The following CACHD1 variants were observed in gnomAD, a reference collection of about 807,000 sequenced individuals.
CACHD1 encodes the protein cache domain containing 1.
In CACHD1, 71 loss-of-function variants were observed where a neutral mutation model predicts 138.7. The observed-to-expected ratio is 0.51, with a 90% CI of 0.42 to 0.62. The LOEUF is 0.62. CACHD1 is among the 20% of genes least tolerant of loss of function. The pLI is 0.00. For missense variants in CACHD1, 1,389 were observed against 1,625.3 expected, an observed-to-expected ratio of 0.85 and a Z score of 2.50; for synonymous variants, 578 against 591.5, an observed-to-expected ratio of 0.98 and a Z score of 0.33.
At chr1:64,595,058 G>A (rs1647138561) in intron 3 of CACHD1, among the ~76,000 whole-genome samples, 1 of 152,180 alleles carries the variant, frequency 6.6e-6, no homozygotes, top group Admixed American at 6.5e-5. Flanking sequence ...ACAGAACAGG[G>A]AGATGTATGG....
At chr1:64,635,616 T>C (rs1206429309) in intron 7 of CACHD1, among the ~76,000 whole-genome samples, 1 of 150,946 alleles carries the variant, frequency 6.6e-6, no homozygotes, top group Non-Finnish European at 1.5e-5. Flanking sequence ...ACTCCTGACC[T>C]TGTAATCCCC....
chr1:64,671,077 G>A (rs1355486635), intron 16 of CACHD1, among the ~76,000 whole-genome samples: 1 of 152,176 alleles, frequency 6.6e-6, no homozygotes, highest in Non-Finnish European at 1.5e-5. Flanking sequence ...GAAAAAAACT[G>A]GACTAGACAT....
At chr1:64,664,409 C>G in intron 14 of CACHD1, 89 bp from the exon 15 acceptor site, 1 of 1,307,580 alleles carries the variant, frequency 7.6e-7, no homozygotes, top group African/African-American at 1.5e-5. Context: ...GGCTTCTCTG[C>G]AACAGAGCTT....
intron 1 of CACHD1, among the ~76,000 whole-genome samples, chr1:64,527,663 CTT>C (rs1156375289): frequency 6.6e-6 from 1 of 152,140 alleles, no homozygotes; most frequent in Non-Finnish European, 1.5e-5. Flanking sequence ...AACCAATTTC[CTT>C]TCTCTCTGTT....
chr1:64,689,835 C>A (rs1024859394), intron 26 of CACHD1, among the ~76,000 whole-genome samples: 1 of 152,172 alleles, frequency 6.6e-6, no homozygotes, highest in African/African-American at 2.4e-5. Context: ...AATATACATT[C>A]TCTGAAGATT....
chr1:64,490,017 C>G (rs564176061), intron 1 of CACHD1, among the ~76,000 whole-genome samples: 2 of 152,318 alleles, frequency 1.3e-5, no homozygotes, highest in Admixed American at 1.3e-4. Flanking sequence ...ATGTCCATTC[C>G]TAATTGCCTT....
chr1:64,613,018 A>G (rs550931292), intron 4 of CACHD1, among the ~76,000 whole-genome samples: 34 of 152,324 alleles, frequency 2.2e-4, no homozygotes, highest in African/African-American at 8.2e-4. Context: ...AAATATCAAC[A>G]TTAATAGGAG....
Position 64,675,411 on chromosome 1 carries a change from C to A in CACHD1, c.2738C>A (p.Thr913Lys). The change falls in exon 20 of 27, where the codon ACG becomes AAG. Residue 913 changes from threonine to lysine, a missense_variant. Around this residue, in one of 5 missense-constraint regions of CACHD1, gnomAD observed 50 missense variants for 108.2 expected, o/e 0.46. Transcript: ENST00000651257. ...TTGATTGTTCTGTAGGGGGATTTGA[C>A]GAACCTTGTGCATGGCAGCCACTGT... ...KFNTSLAGDL[T>K]NLVHGSHCSK... 1 of 1,593,218 alleles carries A rather than the reference C, an allele frequency of 6.3e-7. No homozygotes were observed. Among genetic ancestry groups the A allele is most frequent in the Non-Finnish European group, 8.6e-7 (1 of 1,163,334 alleles).
At chr1:64,545,993 A>C (rs1296614410) in intron 1 of CACHD1, among the ~76,000 whole-genome samples, 1 of 152,240 alleles carries the variant, frequency 6.6e-6, no homozygotes, top group Non-Finnish European at 1.5e-5. Flanking sequence ...ACTATATAAT[A>C]AAATATATTT....
chr1:64,484,805 A>C (rs1646232181), intron 1 of CACHD1, among the ~76,000 whole-genome samples: 1 of 152,246 alleles, frequency 6.6e-6, no homozygotes. Flanking sequence ...ATGTGTCAGA[A>C]TTTCCTTTCT....
chr1:64,665,276 G>A (rs1191663635), intron 15 of CACHD1, among the ~76,000 whole-genome samples: 2 of 151,086 alleles, frequency 1.3e-5, no homozygotes, highest in Non-Finnish European at 3.0e-5. Context: ...GTAACATAGT[G>A]AAACCCCATC....
intron 1 of CACHD1, among the ~76,000 whole-genome samples, chr1:64,492,126 A>G (rs1646280119): frequency 1.3e-5 from 2 of 151,292 alleles, no homozygotes; most frequent in African/African-American, 4.9e-5. Context: ...AGCTTTTTTT[A>G]AAAAAAGAAA....
chr1:64,612,112 A>G (rs1647554671), intron 4 of CACHD1, among the ~76,000 whole-genome samples: 1 of 152,214 alleles, frequency 6.6e-6, no homozygotes, highest in Non-Finnish European at 1.5e-5. Flanking sequence ...AACTGCCCCC[A>G]TGATCCAATT....
chr1:64,593,491 C>T (rs1179118069), intron 3 of CACHD1, among the ~76,000 whole-genome samples: 2 of 152,118 alleles, frequency 1.3e-5, no homozygotes, highest in Non-Finnish European at 1.5e-5. Context: ...TTTGTTATCT[C>T]TGTGTCACAA....
At chr1:64,527,476 C>T (rs1050485560) in intron 1 of CACHD1, among the ~76,000 whole-genome samples, 16 of 152,292 alleles carry the variant, frequency 1.1e-4, no homozygotes, top group South Asian at 8.3e-4. Flanking sequence ...AGTGTGGACA[C>T]GCTCTCACGC....
chr1:64,544,431 G>A (rs1349747314), intron 1 of CACHD1, among the ~76,000 whole-genome samples: 3 of 152,078 alleles, frequency 2.0e-5, no homozygotes, highest in African/African-American at 7.2e-5. Context: ...CCTTGTTCCA[G>A]CAAAGTGGAA....
At chr1:64,602,112 C>G (rs893784372) in intron 3 of CACHD1, among the ~76,000 whole-genome samples, 7 of 152,158 alleles carry the variant, frequency 4.6e-5, no homozygotes, top group African/African-American at 1.7e-4. Flanking sequence ...ATTGTTCTAG[C>G]TCTAGTACTA....
chr1:64,516,431 T>C, intron 1 of CACHD1, among the ~76,000 whole-genome samples: 1 of 152,198 alleles, frequency 6.6e-6, no homozygotes, highest in East Asian at 1.9e-4. Context: ...ACAGACCAGC[T>C]TACGGTGTTC....
chr1:64,498,419 C>T (rs748534175), intron 1 of CACHD1, among the ~76,000 whole-genome samples: 8 of 152,044 alleles, frequency 5.3e-5, no homozygotes, highest in Non-Finnish European at 1.0e-4. Flanking sequence ...TTCCTTGTAT[C>T]ATCATATTTC....
Sources: gnomAD v4.1 joint callset for allele counts (sites outside exome capture counted in the v4.1 genomes callset) on GRCh38, gnomAD v4.1.1 for gene constraint, gnomAD v4.1.1 regional missense constraint, MANE v1.5 for transcripts, NCBI Gene and HGNC (gene_info 2026-07-23, HGNC 2026-07-21) for gene names.